The following NMNAT2 variants were observed in gnomAD, a reference collection of about 807,000 sequenced individuals.
NMNAT2 encodes the protein nicotinamide/nicotinic acid mononucleotide adenylyltransferase 2.
A neutral mutation model predicts 41.6 loss-of-function variants in NMNAT2; 11 were observed. That is an observed-to-expected ratio of 0.26 (90% CI 0.17 to 0.44). NMNAT2 has a LOEUF of 0.44. Ranked by LOEUF, NMNAT2 falls within the 20% of genes least tolerant of loss-of-function variation. The pLI, the probability that NMNAT2 is intolerant of heterozygous loss-of-function variation, is 1.00. For missense variants in NMNAT2, 288 were observed against 407.7 expected (o/e 0.71, Z 2.53); for synonymous variants, 148 against 151.2 (o/e 0.98, Z 0.16).
chr1:183,317,293 C>G (rs1245419891), intron 1 of NMNAT2, among the ~76,000 whole-genome samples: 1 of 152,150 alleles, frequency 6.6e-6, no homozygotes, highest in African/African-American at 2.4e-5. Flanking sequence ...TTTCTTTTTC[C>G]TTTTTTGAGA....
chr1:183,313,370 C>G (rs1488095899), intron 1 of NMNAT2, among the ~76,000 whole-genome samples: 1 of 152,140 alleles, frequency 6.6e-6, no homozygotes, highest in Non-Finnish European at 1.5e-5. Context: ...ACTTTCTTTC[C>G]TTAGGCATGG....
intron 1 of NMNAT2, among the ~76,000 whole-genome samples, chr1:183,402,824 A>G (rs945955607): frequency 1.3e-5 from 2 of 152,186 alleles, no homozygotes; most frequent in African/African-American, 2.4e-5. Flanking sequence ...AGGGGAAAAG[A>G]AGCTGAGCAT....
chr1:183,256,675 T>C (rs975782884), intron 10 of NMNAT2, among the ~76,000 whole-genome samples: 48 of 152,218 alleles, frequency 3.2e-4, no homozygotes, highest in Admixed American at 3.3e-4. Flanking sequence ...ATAAGCTTCA[T>C]GTTGTGTTGT....
At chr1:183,391,085 C>A (rs899499825) in intron 1 of NMNAT2, among the ~76,000 whole-genome samples, 45 of 152,318 alleles carry the variant, frequency 3.0e-4, no homozygotes, top group African/African-American at 9.9e-4. Flanking sequence ...AGTTCCCTCA[C>A]TGGAACTAAT....
chr1:183,351,986 G>A (rs1339144994), intron 1 of NMNAT2, among the ~76,000 whole-genome samples: 1 of 152,080 alleles, frequency 6.6e-6, no homozygotes, highest in Non-Finnish European at 1.5e-5. Context: ...TACCAACAAG[G>A]ACACAGTCTG....
chr1:183,255,215 C>A (rs188896557), intron 10 of NMNAT2, among the ~76,000 whole-genome samples: 153 of 152,296 alleles, frequency 1.0e-3, no homozygotes, highest in African/African-American at 3.6e-3. Flanking sequence ...TGTCAAAAAT[C>A]AGTTGACCAT....
chr1:183,331,496 G>C (rs1233571112), intron 1 of NMNAT2, among the ~76,000 whole-genome samples: 1 of 152,234 alleles, frequency 6.6e-6, no homozygotes, highest in Non-Finnish European at 1.5e-5. Context: ...GGCAGCCAAG[G>C]GAATCAGGAG....
intron 5 of NMNAT2, 116 bp from the exon 6 acceptor site, chr1:183,284,906 G>T: frequency 1.3e-6 from 1 of 782,156 alleles, no homozygotes; most frequent in Admixed American, 1.9e-5. Context: ...GGACGGGGCA[G>T]GAGTGGGGAG....
intron 1 of NMNAT2, among the ~76,000 whole-genome samples, chr1:183,336,611 G>T (rs1035415722): frequency 3.9e-5 from 6 of 152,282 alleles, no homozygotes; most frequent in Admixed American, 2.0e-4. Flanking sequence ...TACGTTGCTG[G>T]TAGGATTGTC....
intron 1 of NMNAT2, among the ~76,000 whole-genome samples, chr1:183,368,985 A>G (rs781103187): frequency 6.6e-6 from 1 of 152,198 alleles, no homozygotes; most frequent in Non-Finnish European, 1.5e-5. Context: ...CTGTCCTGAC[A>G]GCTGCCTAAT....
At chr1:183,410,675 C>A (rs16828955) in intron 1 of NMNAT2, among the ~76,000 whole-genome samples, 3 of 152,060 alleles carry the variant, frequency 2.0e-5, no homozygotes, top group Non-Finnish European at 4.4e-5. Context: ...TTCCTTAATG[C>A]GCCATGCTGT....
chr1:183,293,632 T>C, intron 2 of NMNAT2, 73 bp downstream of exon 2: 3 of 1,138,974 alleles, frequency 2.6e-6, no homozygotes, highest in Non-Finnish European at 4.0e-6. Context: ...GGGCAGTTTT[T>C]CTGCCAGGAA....
chr1:183,304,637 T>A, intron 1 of NMNAT2: 1 of 1,601,610 alleles, frequency 6.2e-7, no homozygotes, highest in African/African-American at 1.3e-5. Flanking sequence ...TGCCCCGCCC[T>A]CATGCCATGT....
intron 7 of NMNAT2, 45 bp from the exon 8 acceptor site, chr1:183,278,674 C>T (rs377699449): frequency 1.8e-5 from 25 of 1,400,398 alleles, no homozygotes; most frequent in Non-Finnish European, 2.3e-5. Flanking sequence ...AGTGGTGGCC[C>T]GGGAAGCATT....
At chr1:183,388,232 C>A (rs774152271) in intron 1 of NMNAT2, among the ~76,000 whole-genome samples, 2 of 152,140 alleles carry the variant, frequency 1.3e-5, no homozygotes, top group Non-Finnish European at 2.9e-5. Context: ...AAAAGATGAG[C>A]CATGAGCAGG....
intron 7 of NMNAT2, 116 bp from the exon 8 acceptor site, chr1:183,278,745 C>A: frequency 1.4e-6 from 1 of 717,572 alleles, no homozygotes; most frequent in Non-Finnish European, 2.5e-6. Context: ...GGATGTGGGG[C>A]CCAGTTATCC....
intron 1 of NMNAT2, among the ~76,000 whole-genome samples, chr1:183,322,935 T>C (rs994388684): frequency 5.3e-5 from 8 of 152,074 alleles, no homozygotes; most frequent in Non-Finnish European, 1.2e-4. Flanking sequence ...CACATAAAAC[T>C]AGACTTTTTT....
intron 8 of NMNAT2, among the ~76,000 whole-genome samples, chr1:183,269,957 C>A (rs1660940455): frequency 6.6e-6 from 1 of 152,142 alleles, no homozygotes; most frequent in Admixed American, 6.5e-5. Flanking sequence ...CATCTCAGCT[C>A]ACTGCAAGCT....
intron 1 of NMNAT2, among the ~76,000 whole-genome samples, chr1:183,389,512 AG>A (rs994353131): frequency 1.4e-4 from 22 of 151,864 alleles, no homozygotes; most frequent in Non-Finnish European, 2.2e-4. Context: ...CCAACTTGAC[AG>A]GGCTGTTTTG....
Sources: gnomAD v4.1 joint callset for allele counts (sites outside exome capture counted in the v4.1 genomes callset) on GRCh38, gnomAD v4.1.1 for gene constraint, MANE v1.5 for transcripts, NCBI Gene and HGNC (gene_info 2026-07-23, HGNC 2026-07-21) for gene names.